Variants in TFEC observed in about 807,000 individuals in gnomAD.
TFEC encodes class E basic helix-loop-helix protein 34.
In TFEC, 31 loss-of-function variants were observed where a neutral mutation model predicts 41.6. The observed-to-expected ratio is 0.74, with a 90% CI of 0.56 to 1.01. The LOEUF (loss-of-function observed/expected upper bound fraction) is 1.01. Among genes scored for constraint, TFEC ranks in the 50% least tolerant of loss-of-function variants. The pLI, the probability that TFEC is intolerant of heterozygous loss-of-function variation, is 0.00. For synonymous variants in TFEC, 143 were observed against 140.6 expected (o/e 1.02, Z -0.12); for missense variants, 402 against 404.1 (o/e 0.99, Z 0.04).
chr7:116,021,954 C>T (rs1584710887), intron 1 of TFEC, among the ~76,000 whole-genome samples: 1 of 152,212 alleles, frequency 6.6e-6, no homozygotes, highest in South Asian at 2.1e-4. Flanking sequence ...ACAATAAGGG[C>T]TCCCCCCAGA....
At chr7:116,154,234 T>C (rs7812169) in intron 1 of TFEC, among the ~76,000 whole-genome samples, 19,198 of 152,142 alleles carry the variant, frequency 0.13, 1,493 homozygotes, top group African/African-American at 0.22. Context: ...GTGAGATGCA[T>C]AGAACAGTCC....
At chr7:116,146,141 C>T (rs1201981294) in intron 1 of TFEC, among the ~76,000 whole-genome samples, 1 of 152,156 alleles carries the variant, frequency 6.6e-6, no homozygotes, top group East Asian at 1.9e-4. Flanking sequence ...CAAGGGAAGA[C>T]AGTCAAGGAA....
intron 1 of TFEC, among the ~76,000 whole-genome samples, chr7:115,991,773 C>T (rs1348809376): frequency 6.6e-6 from 1 of 152,108 alleles, no homozygotes; most frequent in Non-Finnish European, 1.5e-5. Flanking sequence ...CTTTAACACC[C>T]CACTGTCAAC....
rs185564176 is a variant in TFEC, at chr7:116,042,298, G to A, written c.199-57785C>T. Among the ~76,000 whole-genome samples the A allele has an allele frequency of 7.6e-4, 116 of 152,212 alleles. 2 individuals are homozygous for A. The highest frequency in any genetic ancestry group is 2.1e-3 in the South Asian group (10 of 4,818). ...ATACAGCATAAGCGTTAGAAGAATTGCATTGTATATGAAGAGAAAACAACT... is the reference window on the plus strand; with the variant it reads ...ATACAGCATAAGCGTTAGAAGAATTACATTGTATATGAAGAGAAAACAACT... On this transcript the variant is annotated intron_variant, in intron 3 of 8. Transcript: ENST00000484212.
chr7:115,945,694 A>G (rs1791494976), intron 6 of TFEC, among the ~76,000 whole-genome samples: 1 of 151,808 alleles, frequency 6.6e-6, no homozygotes, highest in African/African-American at 2.4e-5. Flanking sequence ...AAATAAAACA[A>G]ATAATAACCC....
At chr7:116,064,409 T>A (rs1796644414) in intron 3 of TFEC, among the ~76,000 whole-genome samples, 2 of 151,280 alleles carry the variant, frequency 1.3e-5, no homozygotes, top group Middle Eastern at 3.5e-3. Context: ...TAAAAATATA[T>A]CTTTTAAATA....
intron 3 of TFEC, among the ~76,000 whole-genome samples, chr7:116,047,228 G>C (rs1395206502): frequency 6.6e-6 from 1 of 152,128 alleles, no homozygotes; most frequent in South Asian, 2.1e-4. Flanking sequence ...AAGTGCAAGG[G>C]GTCAGGAAAT....
intron 1 of TFEC, among the ~76,000 whole-genome samples, chr7:116,017,982 G>A (rs13243337): frequency 3.0e-5 from 1 of 33,098 alleles, no homozygotes. Context: ...TCCAGTGTTG[G>A]GCAAATATTA....
intron 1 of TFEC, among the ~76,000 whole-genome samples, chr7:116,002,566 C>A (rs971793857): frequency 6.6e-6 from 1 of 151,862 alleles, no homozygotes; most frequent in Non-Finnish European, 1.5e-5. Context: ...TTAATGGATA[C>A]CAACATATCA....
chr7:116,016,030 A>T, intron 1 of TFEC, among the ~76,000 whole-genome samples: 1 of 152,220 alleles, frequency 6.6e-6, no homozygotes, highest in Non-Finnish European at 1.5e-5. Flanking sequence ...CTTGAGGAGC[A>T]TCAATATCCA....
intron 1 of TFEC, among the ~76,000 whole-genome samples, chr7:116,155,693 CAT>C (rs1798856205): frequency 6.6e-6 from 1 of 152,208 alleles, no homozygotes; most frequent in South Asian, 2.1e-4. Flanking sequence ...CCTCAGGCCA[CAT>C]GTTTAATCAG....
intron 3 of TFEC, among the ~76,000 whole-genome samples, chr7:116,069,045 C>T (rs1457542707): frequency 6.6e-6 from 1 of 151,106 alleles, no homozygotes; most frequent in African/African-American, 2.4e-5. Context: ...CTCTACATTT[C>T]TTCATACTTT....
chr7:115,976,764 A>T (rs931587243), intron 2 of TFEC, among the ~76,000 whole-genome samples: 1 of 152,252 alleles, frequency 6.6e-6, no homozygotes, highest in Non-Finnish European at 1.5e-5. Context: ...ATTGCTAAAC[A>T]TAATTTATGA....
At chr7:115,948,915 G>C (rs892605503) in intron 6 of TFEC, among the ~76,000 whole-genome samples, 4 of 151,510 alleles carry the variant, frequency 2.6e-5, no homozygotes, top group South Asian at 2.1e-4. Flanking sequence ...AATTGTCCCT[G>C]TTTGCAGATG....
rs988035109 is a variant in TFEC at position 115,935,987 on chromosome 7, T to G, written c.*4564A>C. Reference sequence around the variant, plus strand: ...TTGGTTGAATCCTGGGAGATATATTTTTTAATCAAAATAGCTGTTTTCGGA... The same window carrying G: ...TTGGTTGAATCCTGGGAGATATATTGTTTAATCAAAATAGCTGTTTTCGGA... On this transcript the variant is annotated 3_prime_UTR_variant, in exon 8 of 8. Coordinates refer to ENST00000265440, the MANE Select transcript of TFEC (RefSeq NM_012252.4). 15 of 151,628 alleles carry G rather than the reference T, an allele frequency of 9.9e-5. No individual in the cohort carries two copies. The highest frequency in any genetic ancestry group is 1.8e-4 in the Non-Finnish European group (12 of 67,606). The allele number at this position is 151,628 out of a possible 1,614,324, so 9.4% of individuals were successfully genotyped here.
chr7:116,108,330 G>C (rs1797766786), intron 3 of TFEC, among the ~76,000 whole-genome samples: 1 of 152,080 alleles, frequency 6.6e-6, no homozygotes, highest in African/African-American at 2.4e-5. Flanking sequence ...AAATGGAGCT[G>C]GCAATACTTG....
chr7:116,076,541 G>A (rs1354744719), intron 3 of TFEC, among the ~76,000 whole-genome samples: 1 of 151,764 alleles, frequency 6.6e-6, no homozygotes, highest in African/African-American at 2.4e-5. Context: ...AGGATATGAA[G>A]GGAAAAATCT....
rs1481647600 is a variant in TFEC at position 115,939,143 on chromosome 7, T to C, written c.*1408A>G. 1 of 152,006 alleles carries C rather than the reference T, an allele frequency of 6.6e-6. No homozygotes were observed. The highest frequency in any genetic ancestry group is 6.6e-5 in the Admixed American group (1 of 15,236). The allele number at this position is 152,006 out of a possible 1,614,324, so 9.4% of individuals were successfully genotyped here. Reference sequence around the variant, plus strand: ...TTTTTTATTCTATATGTCTTCTATCTTTTGTTTTTGTTTTTCATGCATTCT... The same window carrying C: ...TTTTTTATTCTATATGTCTTCTATCCTTTGTTTTTGTTTTTCATGCATTCT... On this transcript the variant is annotated 3_prime_UTR_variant, in exon 8 of 8. Transcript: ENST00000265440.
chr7:116,077,048 T>C (rs905653106), intron 3 of TFEC, among the ~76,000 whole-genome samples: 1 of 152,190 alleles, frequency 6.6e-6, no homozygotes, highest in East Asian at 1.9e-4. Context: ...AACCTATAAA[T>C]GAAAGCCTAC....
Sources: gnomAD v4.1 joint callset for allele counts (sites outside exome capture counted in the v4.1 genomes callset) on GRCh38, gnomAD v4.1.1 for gene constraint, MANE v1.5 for transcripts, NCBI Gene and HGNC (gene_info 2026-07-23, HGNC 2026-07-21) for gene names.